Variants in RBMS3 observed in about 807,000 individuals in gnomAD.
RBMS3 encodes the protein RNA-binding motif, single-stranded-interacting protein 3.
RBMS3 carries 27 observed loss-of-function variants against 66.8 expected under a neutral mutation model. The ratio of observed to expected loss-of-function variants is 0.40; its 90% confidence interval spans 0.30 to 0.56. The LOEUF (loss-of-function observed/expected upper bound fraction) is 0.56, where lower values mean the gene tolerates loss of function less well. Ranked by LOEUF, RBMS3 falls within the 20% of genes least tolerant of loss-of-function variation. The pLI, the probability that RBMS3 is intolerant of heterozygous loss-of-function variation, is 0.40. For synonymous variants in RBMS3, 188 were observed against 183.0 expected (o/e 1.03, Z -0.22); for missense variants, 513 against 549.5 (o/e 0.93, Z 0.66).
chr3:29,845,138 G>A (rs2058748160), intron 6 of RBMS3, among the ~76,000 whole-genome samples: 1 of 152,300 alleles, frequency 6.6e-6, no homozygotes, highest in South Asian at 2.1e-4. Flanking sequence ...CATGGATATT[G>A]GTAAGCACAG....
intron 4 of RBMS3, among the ~76,000 whole-genome samples, chr3:29,701,844 CGGA>C (rs1258916555): frequency 6.6e-6 from 1 of 151,692 alleles, no homozygotes; most frequent in Non-Finnish European, 1.5e-5. Flanking sequence ...TGCGCGCAGC[CGGA>C]GTCTCACCGA....
intron 3 of RBMS3, among the ~76,000 whole-genome samples, chr3:29,543,431 GGGCAAGGT>G (rs1293649860): frequency 6.6e-6 from 1 of 152,186 alleles, no homozygotes; most frequent in East Asian, 1.9e-4. Context: ...TTAGATGGCT[GGGCAAGGT>G]GGCTAACGCC....
chr3:29,865,512 G>A (rs571635025), intron 6 of RBMS3, among the ~76,000 whole-genome samples: 7 of 152,174 alleles, frequency 4.6e-5, no homozygotes, highest in African/African-American at 1.7e-4. Flanking sequence ...CCGTAAGGCA[G>A]AATAAAAATC....
chr3:29,425,261 C>G (rs1182075489), intron 1 of RBMS3, among the ~76,000 whole-genome samples: 4 of 148,558 alleles, frequency 2.7e-5, no homozygotes, highest in Non-Finnish European at 6.0e-5. Context: ...GTAGTCCCAG[C>G]TAGTTGGGAG....
intron 1 of RBMS3, among the ~76,000 whole-genome samples, chr3:29,393,064 G>C (rs2125648311): frequency 6.6e-6 from 1 of 152,206 alleles, no homozygotes; most frequent in East Asian, 1.9e-4. Context: ...ACTTTTGCTG[G>C]TTTATGTGTG....
chr3:29,763,233 A>G (rs2055773747), intron 6 of RBMS3, among the ~76,000 whole-genome samples: 1 of 152,118 alleles, frequency 6.6e-6, no homozygotes, highest in African/African-American at 2.4e-5. Flanking sequence ...AACCATAGCA[A>G]AGAATAGTTA....
chr3:29,909,516 T>C (rs1398388612), intron 10 of RBMS3, among the ~76,000 whole-genome samples: 1 of 152,126 alleles, frequency 6.6e-6, no homozygotes, highest in Non-Finnish European at 1.5e-5. Flanking sequence ...CTTCCTGCTG[T>C]CTGAGATCCC....
At chr3:29,912,200 T>G (rs1559793488) in intron 10 of RBMS3, among the ~76,000 whole-genome samples, 1 of 152,082 alleles carries the variant, frequency 6.6e-6, no homozygotes, top group African/African-American at 2.4e-5. Context: ...TTATTCCATA[T>G]AGTTCGCAAT....
chr3:29,706,983 C>T (rs960493557), intron 4 of RBMS3, among the ~76,000 whole-genome samples: 11 of 152,114 alleles, frequency 7.2e-5, no homozygotes, highest in Non-Finnish European at 1.3e-4. Flanking sequence ...ATCACTATTG[C>T]CCCCTTTTAG....
At chr3:29,666,701 C>T (rs2050775088) in intron 4 of RBMS3, among the ~76,000 whole-genome samples, 1 of 152,088 alleles carries the variant, frequency 6.6e-6, no homozygotes. Context: ...GTATCATTTG[C>T]ATCATCGGCA....
chr3:29,390,556 A>T (rs76038421), intron 1 of RBMS3, among the ~76,000 whole-genome samples: 50,455 of 142,440 alleles, frequency 0.35, 8,727 homozygotes, highest in East Asian at 0.64. Context: ...AGTTTATTTA[A>T]AAAAAAAATG....
intron 1 of RBMS3, among the ~76,000 whole-genome samples, chr3:29,301,701 A>T (rs541428461): frequency 3.8e-4 from 58 of 151,932 alleles, no homozygotes; most frequent in African/African-American, 1.4e-3. Context: ...TTTATCTGGG[A>T]TTTGTTTCTG....
At chr3:29,292,132 C>G (rs887391975) in intron 1 of RBMS3, among the ~76,000 whole-genome samples, 2 of 151,668 alleles carry the variant, frequency 1.3e-5, no homozygotes, top group South Asian at 4.2e-4. Flanking sequence ...CTTCCCAGCC[C>G]TCTAGACAGA....
chr3:29,307,527 A>G (rs1030221088), intron 1 of RBMS3, among the ~76,000 whole-genome samples: 1 of 151,864 alleles, frequency 6.6e-6, no homozygotes, highest in African/African-American at 2.4e-5. Context: ...GAAACCCAGG[A>G]AAATGTAAGT....
chr3:29,987,972 A>C, intron 12 of RBMS3, 171 bp from the exon 13 acceptor site: 2 of 555,556 alleles, frequency 3.6e-6, no homozygotes, highest in Non-Finnish European at 6.4e-6. Context: ...TCAGCAAGCA[A>C]AGGCCTTTCA....
At chr3:29,398,716 C>T (rs1317518073) in intron 1 of RBMS3, among the ~76,000 whole-genome samples, 2 of 152,088 alleles carry the variant, frequency 1.3e-5, no homozygotes, top group Admixed American at 1.3e-4. Flanking sequence ...TTAGTGCTTA[C>T]AAGATCCTTG....
At chr3:29,561,967 G>A in intron 3 of RBMS3, among the ~76,000 whole-genome samples, 1 of 151,900 alleles carries the variant, frequency 6.6e-6, no homozygotes, top group East Asian at 1.9e-4. Context: ...TTAGATGCTG[G>A]ATATAAGACC....
At chr3:29,374,487 A>G (rs2038364434) in intron 1 of RBMS3, among the ~76,000 whole-genome samples, 2 of 152,198 alleles carry the variant, frequency 1.3e-5, no homozygotes, top group African/African-American at 4.8e-5. Flanking sequence ...TACTTTGGGT[A>G]CCCATACAAA....
chr3:29,512,549 T>C (rs3773049), intron 3 of RBMS3, among the ~76,000 whole-genome samples: 54,333 of 152,006 alleles, frequency 0.36, 10,566 homozygotes, highest in African/African-American at 0.5. Flanking sequence ...TATTTATTTA[T>C]ATTTTCCATT....
Sources: gnomAD v4.1 joint callset for allele counts (sites outside exome capture counted in the v4.1 genomes callset) on GRCh38, gnomAD v4.1.1 for gene constraint, MANE v1.5 for transcripts, NCBI Gene and HGNC (gene_info 2026-07-23, HGNC 2026-07-21) for gene names.